Variants in SMARCAL1 observed in about 807,000 individuals in gnomAD.
SMARCAL1 encodes ATP-driven annealing helicase.
SMARCAL1 carries 58 observed loss-of-function variants against 94.5 expected under a neutral mutation model. That is an observed-to-expected ratio of 0.61 (90% CI 0.50 to 0.76). The LOEUF is 0.76. Among genes scored for constraint, SMARCAL1 ranks in the 30% least tolerant of loss-of-function variants. SMARCAL1 has a pLI of 0.00. For synonymous variants in SMARCAL1, 422 were observed against 455.1 expected, an observed-to-expected ratio of 0.93 and a Z score of 0.93; for missense variants, 1,051 against 1,177.9, an observed-to-expected ratio of 0.89 and a Z score of 1.58.
chr2:216,429,034 G>A (rs1693902991), intron 7 of SMARCAL1, among the ~76,000 whole-genome samples: 1 of 152,344 alleles, frequency 6.6e-6, no homozygotes, highest in East Asian at 1.9e-4. Context: ...ATTAGCTTAA[G>A]GAAAGAGATT....
intron 5 of SMARCAL1, 25 bp downstream of exon 5, chr2:216,420,557 TC>T: frequency 6.4e-7 from 1 of 1,559,568 alleles, no homozygotes; most frequent in Non-Finnish European, 8.8e-7. Context: ...TTTGTCTGAT[TC>T]CCAGAATGTG....
At chr2:216,457,563 T>C (rs1315894668) in intron 12 of SMARCAL1, among the ~76,000 whole-genome samples, 1 of 152,144 alleles carries the variant, frequency 6.6e-6, no homozygotes, top group Non-Finnish European at 1.5e-5. Context: ...ACATGGAAAC[T>C]GAACAACCTG....
rs750295060 is a variant in SMARCAL1, at chr2:216,450,817, T to C, written c.1852-29T>C. ...TGGACTGGGCCTGAAAGGAGCCTCA[T>C]GGGGCTGTCGCTGTCTTGTTCTCTG... On this transcript the variant is annotated intron_variant, in intron 11 of 17. Transcript: ENST00000357276. 31 of 1,588,026 alleles carry C rather than the reference T, an allele frequency of 2.0e-5. 2 individuals are homozygous for C. In the South Asian group the frequency reaches 3.0e-4, roughly 15 times the overall value.
intron 6 of SMARCAL1, among the ~76,000 whole-genome samples, chr2:216,428,144 C>T (rs1196776720): frequency 6.6e-6 from 1 of 152,184 alleles, no homozygotes; most frequent in African/African-American, 2.4e-5. Context: ...GCCTGCAGGA[C>T]AGCAGGCTAT....
chr2:216,473,804 T>C (rs76674025), intron 14 of SMARCAL1, among the ~76,000 whole-genome samples: 4,023 of 152,298 alleles, frequency 0.026, 168 homozygotes, highest in African/African-American at 0.092. Context: ...AAACTAAACA[T>C]GCAGTTACCA....
chr2:216,426,289 C>G (rs1693832896), intron 6 of SMARCAL1, among the ~76,000 whole-genome samples: 1 of 152,192 alleles, frequency 6.6e-6, no homozygotes, highest in African/African-American at 2.4e-5. Flanking sequence ...AAAAGCAGGA[C>G]ATTTACAGCA....
intron 6 of SMARCAL1, among the ~76,000 whole-genome samples, chr2:216,425,337 C>T (rs2738280): frequency 0.026 from 4,036 of 152,320 alleles, 76 homozygotes; most frequent in Middle Eastern, 0.051. Context: ...AGGCATACCA[C>T]AAGCAGCTTC....
intron 10 of SMARCAL1, among the ~76,000 whole-genome samples, chr2:216,440,397 G>A (rs1050050693): frequency 2.0e-5 from 3 of 152,190 alleles, no homozygotes; most frequent in African/African-American, 7.2e-5. Flanking sequence ...TTTCTGAAAT[G>A]TGTGCCTCTC....
At chr2:216,459,685 C>T (rs1464362864) in intron 12 of SMARCAL1, among the ~76,000 whole-genome samples, 4 of 151,898 alleles carry the variant, frequency 2.6e-5, no homozygotes, top group African/African-American at 9.7e-5. Flanking sequence ...AAAATTAATT[C>T]AAGATGGATT....
chr2:216,476,277 AT>A (rs1216639654), intron 15 of SMARCAL1, among the ~76,000 whole-genome samples: 3 of 151,818 alleles, frequency 2.0e-5, no homozygotes, highest in African/African-American at 7.3e-5. Flanking sequence ...GGGTGTAGCC[AT>A]TTTATACAAG....
Position 216,477,028 on chromosome 2 carries a change from G to A in SMARCAL1, c.2428-81G>A, listed in dbSNP as rs1695097361. The A allele has an allele frequency of 2.7e-6, 3 of 1,103,918 alleles. No individual in the cohort carries two copies. The Admixed American group carries it at 5.9e-5, about 22-fold the overall frequency. The allele number at this position is 1,103,918 out of a possible 1,614,324, so 68.4% of individuals were successfully genotyped here. On this transcript the variant is annotated intron_variant, in intron 15 of 17. Transcript: ENST00000357276. ...AGGGTTGTGGTGGGACTGGAAATGGGGTGGAGAGGAACCATACCTGCTATG... is the reference window on the plus strand; with the variant it reads ...AGGGTTGTGGTGGGACTGGAAATGGAGTGGAGAGGAACCATACCTGCTATG...
At chr2:216,434,660 A>C (rs1020752815) in intron 8 of SMARCAL1, among the ~76,000 whole-genome samples, 1 of 145,810 alleles carries the variant, frequency 6.9e-6, no homozygotes, top group Non-Finnish European at 1.5e-5. Context: ...ACATACTGAG[A>C]CCCATCTCTT....
chr2:216,419,313 C>CT (rs1303897367), intron 4 of SMARCAL1, among the ~76,000 whole-genome samples: 2 of 152,158 alleles, frequency 1.3e-5, no homozygotes, highest in African/African-American at 4.8e-5. Flanking sequence ...GTTTCTTAGT[C>CT]TTTTTCCTCC....
At chr2:216,415,538 G>GTTTTTTTTTTTTTTTTTTTTTTTTT in intron 3 of SMARCAL1, 23 bp downstream of exon 3, 6 of 1,399,878 alleles carry the variant, frequency 4.3e-6, no homozygotes, top group Non-Finnish European at 4.9e-6. Flanking sequence ...TTTTTCAGCT[G>GTTTTTTTTTTTTTTTTTTTTTTTTT]TTTTTTTTTT....
In SMARCAL1 at chr2:216,450,974, G is replaced by A; in HGVS notation, c.1980G>A (p.Lys660=). The A allele has an allele frequency of 6.2e-7, 1 of 1,614,244 alleles. No individual in the cohort carries two copies. Among genetic ancestry groups the A allele is most frequent in the Non-Finnish European group, 8.5e-7 (1 of 1,180,038 alleles). The change falls in exon 12 of 18, where the codon AAG becomes AAA. Residue 660 remains lysine (K), a synonymous_variant. Transcript: ENST00000357276. ...VLSQLPAKQR[K]IVVIAPGRIN... ...CCCAGCTGCCTGCCAAGCAGCGCAA[G>A]ATAGTGGTGATTGCCCCAGGACGGA...
intron 3 of SMARCAL1, 147 bp from the exon 4 acceptor site, chr2:216,416,110 T>G: frequency 1.4e-6 from 1 of 730,702 alleles, no homozygotes; most frequent in South Asian, 1.4e-5. Flanking sequence ...CTATTTGTCC[T>G]CTACAGAGAT....
At chr2:216,434,098 C>T (rs953434694) in intron 8 of SMARCAL1, among the ~76,000 whole-genome samples, 1 of 151,864 alleles carries the variant, frequency 6.6e-6, no homozygotes, top group Non-Finnish European at 1.5e-5. Flanking sequence ...GCCTTGGCCT[C>T]CCAAGTCTTG....
At chr2:216,423,545 T>C in intron 5 of SMARCAL1, 88 bp from the exon 6 acceptor site, 4 of 1,147,398 alleles carry the variant, frequency 3.5e-6, no homozygotes, top group Admixed American at 1.7e-5. Context: ...AATGGAAGTT[T>C]ATGAAACCAA....
At chr2:216,433,708 A>C (rs577293535) in intron 8 of SMARCAL1, among the ~76,000 whole-genome samples, 1 of 152,266 alleles carries the variant, frequency 6.6e-6, no homozygotes, top group Non-Finnish European at 1.5e-5. Flanking sequence ...CAGGAATCAG[A>C]GTGCTTTTGT....
Sources: allele counts gnomAD v4.1 joint callset (sites outside exome capture counted in the v4.1 genomes callset), GRCh38; gene constraint gnomAD v4.1.1; transcripts MANE v1.5; gene names NCBI Gene and HGNC (gene_info 2026-07-23, HGNC 2026-07-21).